Variants in ITGA9 observed in about 807,000 individuals in gnomAD.
ITGA9 encodes the protein integrin subunit alpha 9.
Under a neutral mutation model 127.8 loss-of-function variants are expected in ITGA9, and 56 were observed. The ratio of observed to expected loss-of-function variants is 0.44; its 90% CI spans 0.35 to 0.55. ITGA9 has a LOEUF of 0.55. ITGA9 is among the 20% of genes least tolerant of loss of function. The pLI is 0.00. For synonymous variants in ITGA9, 508 were observed against 514.5 expected (o/e 0.99, Z 0.17); for missense variants, 1,196 against 1,347.1 (o/e 0.89, Z 1.76).
intron 3 of ITGA9, among the ~76,000 whole-genome samples, chr3:37,477,019 A>G (rs1698501401): frequency 6.6e-6 from 1 of 152,220 alleles, no homozygotes; most frequent in Admixed American, 6.5e-5. Context: ...AACATTCTGT[A>G]AAATGTTCCT....
At chr3:37,572,055 C>A (rs1201353877) in intron 15 of ITGA9, among the ~76,000 whole-genome samples, 1 of 151,938 alleles carries the variant, frequency 6.6e-6, no homozygotes, top group African/African-American at 2.4e-5. Context: ...AGGATTTCAG[C>A]GGAATCCAAA....
chr3:37,516,994 AC>A (rs1367347046), intron 9 of ITGA9, among the ~76,000 whole-genome samples: 2 of 152,194 alleles, frequency 1.3e-5, no homozygotes, highest in Admixed American at 6.5e-5. Context: ...CTGGCCAAGA[AC>A]GACTGGGTGC....
intron 20 of ITGA9, among the ~76,000 whole-genome samples, chr3:37,737,932 T>C (rs1179397540): frequency 6.6e-6 from 1 of 152,194 alleles, no homozygotes; most frequent in Non-Finnish European, 1.5e-5. Context: ...AAATCATGCC[T>C]CTTGATTCAT....
intron 26 of ITGA9, 119 bp from the exon 27 acceptor site, chr3:37,803,704 G>A (rs1697260704): frequency 8.9e-7 from 1 of 1,127,384 alleles, no homozygotes; most frequent in Non-Finnish European, 1.3e-6. Flanking sequence ...AACCCAGGAG[G>A]TAGAGGTTGC....
intron 15 of ITGA9, among the ~76,000 whole-genome samples, chr3:37,625,829 G>T (rs1036365006): frequency 6.6e-5 from 10 of 152,178 alleles, no homozygotes; most frequent in African/African-American, 2.2e-4. Context: ...CCTTTTGGGG[G>T]TGTTGGCCTG....
intron 1 of ITGA9, among the ~76,000 whole-genome samples, chr3:37,457,333 T>G (rs369808968): frequency 1.3e-5 from 2 of 152,266 alleles, no homozygotes; most frequent in African/African-American, 4.8e-5. Flanking sequence ...TAGGCTCTGA[T>G]GGGGGAGAGG....
intron 23 of ITGA9, among the ~76,000 whole-genome samples, chr3:37,772,525 A>C (rs1696857106): frequency 6.6e-6 from 1 of 151,978 alleles, no homozygotes; most frequent in East Asian, 1.9e-4. Flanking sequence ...GGGCCATGCA[A>C]GTGTTAGGTG....
intron 15 of ITGA9, among the ~76,000 whole-genome samples, chr3:37,552,538 T>C (rs17036621): frequency 0.035 from 5,398 of 152,214 alleles, 297 homozygotes; most frequent in African/African-American, 0.12. Flanking sequence ...AGAGTCATTT[T>C]CTCAGTAAAT....
intron 15 of ITGA9, among the ~76,000 whole-genome samples, chr3:37,554,590 G>A (rs918361007): frequency 6.6e-6 from 1 of 152,114 alleles, no homozygotes; most frequent in African/African-American, 2.4e-5. Flanking sequence ...CAGGAACGGG[G>A]TTAGGAGACT....
intron 18 of ITGA9, among the ~76,000 whole-genome samples, chr3:37,718,265 C>T (rs1222846350): frequency 6.6e-6 from 1 of 152,212 alleles, no homozygotes; most frequent in African/African-American, 2.4e-5. Context: ...ATAAGAAACA[C>T]TTGTTGAACG....
rs577008367 is a variant in ITGA9 at position 37,497,666 on chromosome 3, T to C, written c.612+3098T>C. 2.6e-5 allele frequency among the ~76,000 whole-genome samples: 4 copies of C among 152,338 alleles called. No individual in the cohort carries two copies. In the South Asian group the frequency reaches 8.3e-4, roughly 32 times the overall value. On this transcript the variant is annotated intron_variant, in intron 5 of 27. Coordinates refer to ENST00000264741, the MANE Select transcript of ITGA9 (RefSeq NM_002207.3). ...TGTTAAACAACTTTTCCTCTCCCCA[T>C]TGAAATGCCATCCTGCCGTGTGGCG...
At chr3:37,716,727 A>G (rs1185662994) in intron 18 of ITGA9, among the ~76,000 whole-genome samples, 1 of 151,714 alleles carries the variant, frequency 6.6e-6, no homozygotes, top group Non-Finnish European at 1.5e-5. Context: ...ATCCATTGCC[A>G]TAACCAAAAG....
chr3:37,512,827 A>G (rs1698946534), intron 8 of ITGA9, among the ~76,000 whole-genome samples: 1 of 152,032 alleles, frequency 6.6e-6, no homozygotes, highest in Non-Finnish European at 1.5e-5. Context: ...CCCTATTGTT[A>G]TGTAGACAAG....
intron 13 of ITGA9, among the ~76,000 whole-genome samples, chr3:37,526,837 C>A (rs1023753425): frequency 2.0e-5 from 3 of 152,240 alleles, no homozygotes; most frequent in African/African-American, 7.2e-5. Flanking sequence ...TAGTTCCACA[C>A]CCCAGATCCT....
chr3:37,764,747 GCTTCCCAGATGC>G (rs1696761104), intron 23 of ITGA9, among the ~76,000 whole-genome samples: 1 of 152,154 alleles, frequency 6.6e-6, no homozygotes, highest in Non-Finnish European at 1.5e-5. Context: ...CTCTGTCAAG[GCTTCCCAGATGC>G]CTTCACAGAT....
At chr3:37,559,889 G>A (rs1699468929) in intron 15 of ITGA9, among the ~76,000 whole-genome samples, 1 of 152,176 alleles carries the variant, frequency 6.6e-6, no homozygotes, top group Non-Finnish European at 1.5e-5. Context: ...CCCTACAGTG[G>A]AAACTCAAGA....
chr3:37,495,335 G>C (rs542430740), intron 5 of ITGA9, among the ~76,000 whole-genome samples: 1 of 152,178 alleles, frequency 6.6e-6, no homozygotes, highest in Non-Finnish European at 1.5e-5. Context: ...TTATGTGCCC[G>C]TGTGGTAGTA....
chr3:37,462,695 T>C (rs1442372759), intron 1 of ITGA9, among the ~76,000 whole-genome samples: 1 of 152,170 alleles, frequency 6.6e-6, no homozygotes, highest in Non-Finnish European at 1.5e-5. Flanking sequence ...AGAAGGGCCC[T>C]GAAAGGAAAA....
chr3:37,705,378 A>C (rs1700992977), intron 18 of ITGA9, among the ~76,000 whole-genome samples: 1 of 152,208 alleles, frequency 6.6e-6, no homozygotes, highest in African/African-American at 2.4e-5. Context: ...TGGAAGCTCA[A>C]GTTGTTAAAG....
Sources: allele counts gnomAD v4.1 joint callset (sites outside exome capture counted in the v4.1 genomes callset), GRCh38; gene constraint gnomAD v4.1.1; transcripts MANE v1.5; gene names NCBI Gene and HGNC (gene_info 2026-07-23, HGNC 2026-07-21).